CCDC141: variants seen among roughly 807,000 people sequenced by gnomAD.
The protein encoded by CCDC141 is coiled-coil domain-containing protein 141.
In CCDC141, 168 loss-of-function variants were observed where a neutral mutation model predicts 181.0. That is an observed-to-expected ratio of 0.93 (90% CI 0.82 to 1.05). The LOEUF (loss-of-function observed/expected upper bound fraction) is 1.05, where lower values mean the gene tolerates loss of function less well. CCDC141 is among the 50% of genes least tolerant of loss of function. CCDC141 has a pLI of 0.00. For missense variants in CCDC141, 1,902 were observed against 1,788.5 expected (o/e 1.06, Z -1.14); for synonymous variants, 666 against 642.3 (o/e 1.04, Z -0.56).
intron 10 of CCDC141, among the ~76,000 whole-genome samples, chr2:178,886,050 A>G (rs1032284157): frequency 6.6e-6 from 1 of 152,184 alleles, no homozygotes; most frequent in African/African-American, 2.4e-5. Flanking sequence ...AAAAATACCC[A>G]ATTTAACAAA....
chr2:178,881,121 C>CA (rs1356728162), intron 11 of CCDC141, among the ~76,000 whole-genome samples: 1 of 151,726 alleles, frequency 6.6e-6, no homozygotes. Flanking sequence ...GCTTTAAGAA[C>CA]AAAAAAGGAA....
At chr2:178,890,911 C>G (rs1687118933) in intron 8 of CCDC141, among the ~76,000 whole-genome samples, 1 of 152,120 alleles carries the variant, frequency 6.6e-6, no homozygotes. Context: ...GCATTAGATG[C>G]ATTATTTGAT....
intron 4 of CCDC141, among the ~76,000 whole-genome samples, chr2:178,965,328 G>C (rs1690576254): frequency 6.6e-6 from 1 of 152,214 alleles, no homozygotes; most frequent in Non-Finnish European, 1.5e-5. Flanking sequence ...ATCCACGATT[G>C]CTGGCAAGAT....
At position 178,856,279 on chromosome 2, in the gene CCDC141, T is replaced by C. The variant is rs1393583129; in HGVS notation, c.2843A>G (p.Asp948Gly). Residue 948 changes from aspartate (D) to glycine (G), a missense_variant, in exon 18 of 24, where the codon GAT becomes GGT. Asp to Gly is a moderately conservative substitution (Grantham distance 94). Coordinates refer to ENST00000443758, the MANE Select transcript of CCDC141 (RefSeq NM_173648.4). ...TACCTGCATTTTTTCAGCATACATATCAACTTGCTGAATTTGATATTTAAG... is the reference window on the plus strand; with the variant it reads ...TACCTGCATTTTTTCAGCATACATACCAACTTGCTGAATTTGATATTTAAG... ...KALKYQIQQV[D>G]MYAEKMQALK... The C allele has an allele frequency of 3.1e-6, 5 of 1,610,780 alleles. No homozygotes were observed. The South Asian group carries it at 3.3e-5, about 11-fold the overall frequency.
chr2:178,886,816 C>A lies in CCDC141; in HGVS notation c.1463G>T (p.Gly488Val). Residue 488 changes from glycine to valine, a missense_variant, in exon 10 of 24, where the codon GGT (glycine) becomes GTT (valine). Gly to Val is a moderately radical substitution (Grantham distance 109). Coordinates refer to ENST00000443758, the MANE Select transcript of CCDC141 (RefSeq NM_173648.4). The stretch of plus-strand genomic sequence containing the variant: ...CTTCTCTGATTCAGAACGGGTAGAA[C>A]CAACATCCATTGCATTAGAAAGTAC... ...SPVLSNAMDV[G>V]STRSESEKIL... 6.8e-7 allele frequency: 1 copy of A among 1,478,378 alleles called. No individual in the cohort carries two copies. Among genetic ancestry groups the A allele is most frequent in the Non-Finnish European group, 9.0e-7 (1 of 1,116,432 alleles). 91.6% of individuals were successfully genotyped at this position (1,478,378 alleles called of 1,614,324 possible).
rs745673710 is a variant in CCDC141 at position 178,893,817 on chromosome 2, ACACACG to A, written c.1266-5155_1266-5150del. On this transcript the variant is annotated intron_variant, in intron 8 of 23. Transcript: ENST00000443758. Reference sequence around the variant, plus strand: ...CTCTCTCTCACACACACACACACACACACACGCACACACACACACACACACACACAC... The same window carrying A: ...CTCTCTCTCACACACACACACACACACACACACACACACACACACACACAC... Among the ~76,000 whole-genome samples the A allele has an allele frequency of 2.3e-3, 320 of 138,662 alleles. 5 individuals are homozygous for A. The highest frequency in any genetic ancestry group is 0.022 in the South Asian group (95 of 4,368). The allele number at this position is 138,662 out of a possible 152,430, so 91.0% of individuals were successfully genotyped here. A position where few individuals can be genotyped will look rare whatever the true frequency, so the allele number is the denominator to read the frequency against.
intron 20 of CCDC141, among the ~76,000 whole-genome samples, chr2:178,852,821 T>C (rs1685218033): frequency 6.6e-6 from 1 of 152,126 alleles, no homozygotes; most frequent in Non-Finnish European, 1.5e-5. Flanking sequence ...ACTTCTTAAA[T>C]GGGGGGCCTC....
rs375633099 is a variant in CCDC141, at chr2:179,015,241, T to C, written c.225+32043A>G. ...ATCTCATATATACCTCATATATATA[T>C]CTCATATATATCTCATATATATCAT... On this transcript the variant is annotated intron_variant, in intron 2 of 23. Transcript: ENST00000443758. Among the ~76,000 whole-genome samples, 117 of 131,630 alleles carry C rather than the reference T, an allele frequency of 8.9e-4. 1 individual carries two copies. The East Asian group carries it at 0.012, about 13-fold the overall frequency. 86.4% of individuals were successfully genotyped at this position (131,630 alleles called of 152,430 possible).
At chr2:178,918,409 AAAC>A (rs1382652261) in intron 7 of CCDC141, among the ~76,000 whole-genome samples, 3 of 152,262 alleles carry the variant, frequency 2.0e-5, no homozygotes, top group Non-Finnish European at 2.9e-5. Flanking sequence ...CCCTTTCTCA[AAAC>A]AACAACAAAA....
At chr2:179,013,596 C>T (rs141529197) in intron 2 of CCDC141, among the ~76,000 whole-genome samples, 5,092 of 152,138 alleles carry the variant, frequency 0.033, 99 homozygotes, top group South Asian at 0.059. Context: ...TCATTCTTTA[C>T]AGAATTAGAA....
intron 2 of CCDC141, among the ~76,000 whole-genome samples, chr2:178,984,073 G>C (rs1267963650): frequency 6.6e-6 from 1 of 151,980 alleles, no homozygotes; most frequent in African/African-American, 2.4e-5. Flanking sequence ...GAGAAAGGTC[G>C]GGTTACCCTC....
chr2:179,011,555 A>G (rs1297168631), intron 2 of CCDC141, among the ~76,000 whole-genome samples: 2 of 152,150 alleles, frequency 1.3e-5, no homozygotes, highest in Non-Finnish European at 2.9e-5. Context: ...AACACACACT[A>G]GACAGATCAT....
chr2:178,884,210 C>G (rs1014867704), intron 11 of CCDC141, among the ~76,000 whole-genome samples: 1 of 148,856 alleles, frequency 6.7e-6, no homozygotes, highest in Non-Finnish European at 1.5e-5. Context: ...ATTTTTTGAG[C>G]CTTTGTATGG....
chr2:178,985,938 A>G (rs573134131), intron 2 of CCDC141, among the ~76,000 whole-genome samples: 44 of 152,328 alleles, frequency 2.9e-4, no homozygotes, highest in African/African-American at 1.0e-3. Context: ...ATCAATAGAA[A>G]AAGAGGGAAT....
At chr2:178,863,085 T>C (rs1685692252) in intron 17 of CCDC141, among the ~76,000 whole-genome samples, 1 of 152,308 alleles carries the variant, frequency 6.6e-6, no homozygotes, top group Middle Eastern at 3.4e-3. Flanking sequence ...ATTATGTAAA[T>C]GGTGAATTCT....
chr2:178,875,214 C>A (rs564253885), intron 12 of CCDC141: 47 of 152,268 alleles, frequency 3.1e-4, no homozygotes, highest in African/African-American at 1.1e-3. Flanking sequence ...TTCGCTAGTT[C>A]TGCCAAGAAA....
chr2:179,043,926 G>T (rs552913107), intron 2 of CCDC141, among the ~76,000 whole-genome samples: 3 of 152,274 alleles, frequency 2.0e-5, no homozygotes, highest in East Asian at 1.9e-4. Context: ...CAGCCCAAAA[G>T]CTTCTGAAAC....
intron 2 of CCDC141, among the ~76,000 whole-genome samples, chr2:179,007,703 C>G (rs2042154231): frequency 6.6e-6 from 1 of 152,174 alleles, no homozygotes; most frequent in African/African-American, 2.4e-5. Context: ...AAAACCTCAA[C>G]TAATGAATGC....
intron 7 of CCDC141, among the ~76,000 whole-genome samples, chr2:178,907,162 T>G (rs1688008782): frequency 2.6e-5 from 4 of 152,232 alleles, no homozygotes; most frequent in Admixed American, 2.6e-4. Context: ...TACTGTGTGT[T>G]GCACAATTCT....
Sources: allele counts gnomAD v4.1 joint callset (sites outside exome capture counted in the v4.1 genomes callset), GRCh38; gene constraint gnomAD v4.1.1; transcripts MANE v1.5; gene names NCBI Gene and HGNC (gene_info 2026-07-23, HGNC 2026-07-21).